Variants in CCDC102B observed in about 807,000 individuals in gnomAD.
CCDC102B encodes coiled-coil domain containing 102B, also known as coiled-coil domain-containing protein 102B.
A neutral mutation model predicts 57.4 loss-of-function variants in CCDC102B; 75 were observed. The observed-to-expected ratio is 1.31, with a 90% CI of 1.08 to 1.58. The LOEUF is 1.58. Among genes scored for constraint, CCDC102B ranks in the 40% most tolerant of loss-of-function variants. The pLI is 0.00. For synonymous variants in CCDC102B, 206 were observed against 201.9 expected (o/e 1.02, Z -0.17); for missense variants, 636 against 582.6 (o/e 1.09, Z -0.94).
In CCDC102B at chr18:68,836,800, A is replaced by T; in HGVS notation, c.37A>T (p.Thr13Ser). Residue 13 changes from threonine (T) to serine (S), a missense_variant, in exon 2 of 8, where the codon ACA becomes TCA. Transcript: ENST00000360242. Reference sequence around the variant, plus strand: ...TTCCATACATCGATTAATTGAGGAAACACAGATCTTCCAGATGCAACAATC... The same window carrying T: ...TTCCATACATCGATTAATTGAGGAATCACAGATCTTCCAGATGCAACAATC... Reference protein sequence around the residue: ...LDSIHRLIEETQIFQMQQSSI... With the variant: ...LDSIHRLIEESQIFQMQQSSI... The T allele has an allele frequency of 6.2e-7, 1 of 1,613,774 alleles. No homozygotes were observed. The highest frequency in any genetic ancestry group is 8.5e-7 in the Non-Finnish European group (1 of 1,179,802).
At chr18:69,021,662 T>C (rs1262974966) in intron 7 of CCDC102B, among the ~76,000 whole-genome samples, 1 of 152,200 alleles carries the variant, frequency 6.6e-6, no homozygotes, top group Non-Finnish European at 1.5e-5. Flanking sequence ...GTGTTTCTTT[T>C]CGTTTAAATG....
intron 6 of CCDC102B, among the ~76,000 whole-genome samples, chr18:68,937,118 C>G (rs2049262097): frequency 6.6e-6 from 1 of 151,876 alleles, no homozygotes; most frequent in African/African-American, 2.4e-5. Context: ...TTAACATTGA[C>G]CTTATAACCA....
At chr18:68,956,360 A>AT (rs1568351914) in intron 6 of CCDC102B, among the ~76,000 whole-genome samples, 2 of 74,942 alleles carry the variant, frequency 2.7e-5, no homozygotes, top group African/African-American at 1.1e-4. Context: ...TAATATATAT[A>AT]ATATATATAT....
At chr18:68,987,285 A>T (rs900890151) in intron 6 of CCDC102B, among the ~76,000 whole-genome samples, 1 of 152,180 alleles carries the variant, frequency 6.6e-6, no homozygotes, top group Non-Finnish European at 1.5e-5. Context: ...CAACCATCTG[A>T]TCTTCGACAA....
At chr18:68,955,072 G>A (rs1211953599) in intron 6 of CCDC102B, among the ~76,000 whole-genome samples, 1 of 152,086 alleles carries the variant, frequency 6.6e-6, no homozygotes, top group Admixed American at 6.6e-5. Context: ...CCTGAAAACT[G>A]TCAAATGACA....
At chr18:68,897,485 CAG>C (rs1468541630) in intron 6 of CCDC102B, 57 bp downstream of exon 6, 20 of 1,578,504 alleles carry the variant, frequency 1.3e-5, no homozygotes, top group Non-Finnish European at 1.6e-5. Flanking sequence ...GATGCCTACG[CAG>C]AGTCTGTCTT....
chr18:69,053,163 A>G (rs17080175), intron 7 of CCDC102B, among the ~76,000 whole-genome samples: 5,312 of 151,962 alleles, frequency 0.035, 124 homozygotes, highest in Non-Finnish European at 0.05. Flanking sequence ...ATGCAGTGCT[A>G]TAATAGAGAG....
chr18:68,814,290 C>T (rs538866864), intron 1 of CCDC102B, among the ~76,000 whole-genome samples: 1 of 151,954 alleles, frequency 6.6e-6, no homozygotes, highest in South Asian at 2.1e-4. Flanking sequence ...TTTTTCTAGG[C>T]TTTTTTTCTT....
At chr18:68,740,165 C>A (rs1370759762) in intron 2 of CCDC102B, among the ~76,000 whole-genome samples, 1 of 152,174 alleles carries the variant, frequency 6.6e-6, no homozygotes, top group Non-Finnish European at 1.5e-5. Context: ...TCCTGCAGCA[C>A]CTGCCCCAGT....
rs1599821002 is a variant in CCDC102B, at chr18:68,998,278, T to C, written c.1264-12656T>C. ...TATGCATATATCTATATTATATACA[T>C]AATTACATATAGACACATATATACA... On this transcript the variant is annotated intron_variant, in intron 6 of 7. Coordinates refer to ENST00000360242, the MANE Select transcript of CCDC102B (RefSeq NM_024781.3). Among the ~76,000 whole-genome samples, 2 of 151,714 alleles carry C rather than the reference T, an allele frequency of 1.3e-5. 1 individual carries two copies. Among genetic ancestry groups the C allele is most frequent in the Middle Eastern group, 6.9e-3 (2 of 290 alleles).
At chr18:69,017,067 A>G in intron 7 of CCDC102B, among the ~76,000 whole-genome samples, 1 of 143,592 alleles carries the variant, frequency 7.0e-6, no homozygotes, top group East Asian at 1.9e-4. Flanking sequence ...TGTGTTATTA[A>G]TAAGATTTAC....
intron 1 of CCDC102B, among the ~76,000 whole-genome samples, chr18:68,803,929 A>G (rs1220963521): frequency 2.6e-5 from 4 of 152,120 alleles, no homozygotes; most frequent in African/African-American, 9.7e-5. Flanking sequence ...AGTCATTTGA[A>G]TGTTGGGATC....
intron 6 of CCDC102B, among the ~76,000 whole-genome samples, chr18:68,918,774 T>A (rs186508214): frequency 2.0e-5 from 3 of 152,286 alleles, no homozygotes; most frequent in African/African-American, 7.2e-5. Flanking sequence ...TACATTGCAT[T>A]GGATTCATAG....
Position 69,054,306 on chromosome 18 carries a change from A to G in CCDC102B, c.*169A>G, listed in dbSNP as rs1393032444. On this transcript the variant is annotated 3_prime_UTR_variant, in exon 8 of 8. Coordinates refer to ENST00000360242, the MANE Select transcript of CCDC102B (RefSeq NM_024781.3). ...TCACTTCTTCTAATTTTTGCCTAAC[A>G]GATACTGCATATTCTCAAAAAGACA... 1 of 1,304,920 alleles carries G rather than the reference A, an allele frequency of 7.7e-7. No individual in the cohort carries two copies. Among genetic ancestry groups the G allele is most frequent in the Non-Finnish European group, 9.7e-7 (1 of 1,031,928 alleles). 80.8% of individuals were successfully genotyped at this position (1,304,920 alleles called of 1,614,324 possible). A position where few individuals can be genotyped will look rare whatever the true frequency, so the allele number is the denominator to read the frequency against.
At chr18:68,759,901 TTGA>T (rs2034198687) in intron 2 of CCDC102B, among the ~76,000 whole-genome samples, 1 of 152,022 alleles carries the variant, frequency 6.6e-6, no homozygotes, top group Admixed American at 6.6e-5. Context: ...GGGGTTACAT[TTGA>T]TGAAGAAAAC....
intron 2 of CCDC102B, among the ~76,000 whole-genome samples, chr18:68,742,186 T>G (rs1568227423): frequency 1.3e-5 from 2 of 152,168 alleles, no homozygotes; most frequent in Non-Finnish European, 2.9e-5. Flanking sequence ...GTTTCAGGCT[T>G]CTCTTTTAGC....
chr18:68,740,911 A>G (rs945711708), intron 2 of CCDC102B, among the ~76,000 whole-genome samples: 1 of 152,244 alleles, frequency 6.6e-6, no homozygotes, highest in Admixed American at 6.5e-5. Flanking sequence ...CAGTTTGCTC[A>G]GCATGGAGAA....
At chr18:68,741,254 G>A (rs1047182849) in intron 2 of CCDC102B, among the ~76,000 whole-genome samples, 3 of 152,220 alleles carry the variant, frequency 2.0e-5, no homozygotes, top group African/African-American at 7.2e-5. Flanking sequence ...CCATCCAATG[G>A]TGTCCAGATT....
chr18:68,915,726 C>T (rs1023356389), intron 6 of CCDC102B, among the ~76,000 whole-genome samples: 1 of 152,196 alleles, frequency 6.6e-6, no homozygotes, highest in Non-Finnish European at 1.5e-5. Flanking sequence ...AGGAATGCCT[C>T]TCTCATTATT....
Sources: allele counts gnomAD v4.1 joint callset (sites outside exome capture counted in the v4.1 genomes callset), GRCh38; gene constraint gnomAD v4.1.1; transcripts MANE v1.5; gene names NCBI Gene and HGNC (gene_info 2026-07-23, HGNC 2026-07-21).